Variants in DDI2 observed in about 807,000 individuals in gnomAD.
DDI2 encodes protein DDI1 homolog 2.
DDI2 carries 5 observed loss-of-function variants against 48.1 expected under a neutral mutation model. That is an observed-to-expected ratio of 0.10 (90% CI 0.05 to 0.22). The LOEUF (loss-of-function observed/expected upper bound fraction) is 0.22. Ranked by LOEUF, DDI2 falls within the 10% of genes least tolerant of loss-of-function variation. DDI2 has a pLI of 1.00. For synonymous variants in DDI2, 205 were observed against 183.6 expected (o/e 1.12, Z -0.94); for missense variants, 285 against 506.2 (o/e 0.56, Z 4.19).
chr1:15,645,698 G>A (rs917238130), intron 6 of DDI2, among the ~76,000 whole-genome samples: 3 of 151,944 alleles, frequency 2.0e-5, no homozygotes, highest in Admixed American at 6.6e-5. Context: ...GGGAGAATTC[G>A]TCTCTACAAA....
rs958484761 is a variant in DDI2, at chr1:15,662,061, T to G, written c.*2271T>G. 1 of 179,176 alleles carries G rather than the reference T, an allele frequency of 5.6e-6. No individual in the cohort carries two copies. Among genetic ancestry groups the G allele is most frequent in the African/African-American group, 2.4e-5 (1 of 42,136 alleles). The allele number at this position is 179,176 out of a possible 1,614,324, so 11.1% of individuals were successfully genotyped here. Reference sequence around the variant, plus strand: ...CTGTTTTAGAATGAGAGTAAATGCTTTGAAAAGCAGAAGCCATGAGAAATC... The same window carrying G: ...CTGTTTTAGAATGAGAGTAAATGCTGTGAAAAGCAGAAGCCATGAGAAATC... On this transcript the variant is annotated 3_prime_UTR_variant, in exon 10 of 10. Transcript: ENST00000480945.
rs1436281571 is a variant in DDI2 at position 15,665,732 on chromosome 1, T to A, written c.*5942T>A. ...ATCCCGCCACATATATAAATATATATATATATAGCAAACAGCCTTGCAAAT... is the reference window on the plus strand; with the variant it reads ...ATCCCGCCACATATATAAATATATAAATATATAGCAAACAGCCTTGCAAAT... On this transcript the variant is annotated 3_prime_UTR_variant, in exon 10 of 10. Transcript: ENST00000480945. The A allele has an allele frequency of 6.6e-6, 1 of 152,134 alleles. No individual in the cohort carries two copies. Among genetic ancestry groups the A allele is most frequent in the Non-Finnish European group, 1.5e-5 (1 of 68,024 alleles). 9.4% of individuals were successfully genotyped at this position (152,134 alleles called of 1,614,324 possible).
At chr1:15,650,305 A>G (rs920765699) in intron 7 of DDI2, among the ~76,000 whole-genome samples, 1 of 152,116 alleles carries the variant, frequency 6.6e-6, no homozygotes, top group Admixed American at 6.6e-5. Context: ...TTATCTTTCT[A>G]CTCTAAAGCA....
chr1:15,641,832 G>A (rs1640013490), intron 5 of DDI2, among the ~76,000 whole-genome samples: 1 of 151,804 alleles, frequency 6.6e-6, no homozygotes, highest in South Asian at 2.1e-4. Flanking sequence ...GCACTTGCAT[G>A]TAATCCCAGC....
At position 15,654,378 on chromosome 1, in the gene DDI2, C is replaced by T. The variant is rs1212192377; in HGVS notation, c.1184-2239C>T. 2.6e-5 allele frequency among the ~76,000 whole-genome samples: 4 copies of T among 152,014 alleles called. No homozygotes were observed. The East Asian group carries it at 7.7e-4, about 29-fold the overall frequency. On this transcript the variant is annotated intron_variant, in intron 8 of 9. Transcript: ENST00000480945. ...GTATAAAGTACAGTTTGAGTCAGGGCGTGGTGGCTTATGCCTGTGATCCCA... is the reference window on the plus strand; with the variant it reads ...GTATAAAGTACAGTTTGAGTCAGGGTGTGGTGGCTTATGCCTGTGATCCCA...
chr1:15,657,780 A>G (rs1640293043), intron 9 of DDI2, among the ~76,000 whole-genome samples: 1 of 152,230 alleles, frequency 6.6e-6, no homozygotes, highest in South Asian at 2.1e-4. Context: ...AATAAAACTA[A>G]TAACTGTTAG....
chr1:15,617,823 G>A lies in DDI2; in HGVS notation c.138+15G>A. 6.3e-7 allele frequency: 1 copy of A among 1,578,878 alleles called. No individual in the cohort carries two copies. The highest frequency in any genetic ancestry group is 8.6e-7 in the Non-Finnish European group (1 of 1,164,132). The stretch of plus-strand genomic sequence containing the variant: ...CCGAGAGCCAGGTACGCCGGGCAGC[G>A]AGCCGGGCCTGCCCCGGAGCTAAGC... On this transcript the variant is annotated intron_variant, in intron 1 of 9. Coordinates refer to ENST00000480945, the MANE Select transcript of DDI2 (RefSeq NM_032341.5).
chr1:15,652,729 A>G (rs1053130230), intron 8 of DDI2, among the ~76,000 whole-genome samples: 10 of 152,050 alleles, frequency 6.6e-5, no homozygotes, highest in African/African-American at 2.4e-4. Flanking sequence ...AGGCTGAGGC[A>G]GGAGAATGAC....
At position 15,626,694 on chromosome 1, in the gene DDI2, C is replaced by A; in HGVS notation, c.164C>A (p.Thr55Lys). The A allele has an allele frequency of 6.2e-7, 1 of 1,614,090 alleles. No homozygotes were observed. Reference sequence around the variant, plus strand: ...ATCGTCTATGCGGAAAGACCTCTCACAGACAACCACAGATCATTGGCTTCT... The same window carrying A: ...ATCGTCTATGCGGAAAGACCTCTCAAAGACAACCACAGATCATTGGCTTCT... ...SQIVYAERPL[T>K]DNHRSLASYG... Residue 55 changes from threonine (T) to lysine (K), a missense_variant, in exon 2 of 10, where the codon ACA becomes AAA. By Grantham distance (78) the Thr-to-Lys change is moderately conservative (BLOSUM62 -1). Around this residue, in one of 3 missense-constraint regions of DDI2, gnomAD observed 149 missense variants for 236.5 expected, o/e 0.63. Coordinates refer to ENST00000480945, the MANE Select transcript of DDI2 (RefSeq NM_032341.5).
chr1:15,618,331 C>T (rs1241109742), intron 1 of DDI2, among the ~76,000 whole-genome samples: 5 of 150,872 alleles, frequency 3.3e-5, no homozygotes, highest in African/African-American at 4.9e-5. Flanking sequence ...TTTGCACTTC[C>T]GGTGAAAGAA....
intron 1 of DDI2, among the ~76,000 whole-genome samples, chr1:15,623,820 G>A (rs949279934): frequency 6.6e-6 from 1 of 152,078 alleles, no homozygotes; most frequent in Admixed American, 6.6e-5. Flanking sequence ...CAGCACTTTA[G>A]GAGGCCAAGG....
rs115032064 is a variant in DDI2, at chr1:15,636,325, G to A, written c.633-1982G>A. On this transcript the variant is annotated intron_variant, in intron 4 of 9. Transcript: ENST00000480945. The stretch of plus-strand genomic sequence containing the variant: ...TTGTATTTTGTAGAGACGAGGTTTC[G>A]CCGTGTTGCCCAGTCGTGTCTTGAA... Among the ~76,000 whole-genome samples the A allele has an allele frequency of 8.8e-3, 1,336 of 152,074 alleles. 19 individuals are homozygous for A. Among genetic ancestry groups the A allele is most frequent in the African/African-American group, 0.029 (1,221 of 41,466 alleles).
chr1:15,638,619 C>CT (rs755713317), intron 5 of DDI2, among the ~76,000 whole-genome samples, 185 bp downstream of exon 5: 2 of 148,314 alleles, frequency 1.3e-5, no homozygotes, highest in Admixed American at 6.9e-5. Context: ...ACTGCAACCT[C>CT]TGTCTCCTCA....
At position 15,661,976 on chromosome 1, in the gene DDI2, G is replaced by T; in HGVS notation, c.*2186G>T. On this transcript the variant is annotated 3_prime_UTR_variant, in exon 10 of 10. Transcript: ENST00000480945. ...GTATTGGCAGTATGTGCATACAGAA[G>T]CTTTTTATTCTCATTAAGATGTATC... 2.6e-6 allele frequency: 1 copy of T among 379,566 alleles called. No homozygotes were observed. Among genetic ancestry groups the T allele is most frequent in the Non-Finnish European group, 4.6e-6 (1 of 216,506 alleles). The allele number at this position is 379,566 out of a possible 1,614,324, so 23.5% of individuals were successfully genotyped here.
chr1:15,629,606 A>AG (rs1459321099), intron 2 of DDI2, among the ~76,000 whole-genome samples: 1 of 152,102 alleles, frequency 6.6e-6, no homozygotes, highest in African/African-American at 2.4e-5. Flanking sequence ...CAAAAAAAAA[A>AG]AAAAAAAATT....
At chr1:15,650,719 C>G (rs1054937524) in intron 7 of DDI2, among the ~76,000 whole-genome samples, 3 of 151,986 alleles carry the variant, frequency 2.0e-5, no homozygotes, top group Non-Finnish European at 2.9e-5. Flanking sequence ...CAGAGCAAAA[C>G]CACATCTCAA....
At chr1:15,627,089 A>G (rs539666340) in intron 2 of DDI2, 93 of 335,788 alleles carry the variant, frequency 2.8e-4, no homozygotes, top group Non-Finnish European at 4.7e-4. Flanking sequence ...TTCTGTTATC[A>G]GTGATAATTA....
chr1:15,661,619 G>A lies in DDI2; in HGVS notation c.*1829G>A, dbSNP rs1640382325. Reference sequence around the variant, plus strand: ...GATATTGACCGCATTCTCCGTGCTGGCTTTACTTTGCAGGAAGCTCTTGGA... The same window carrying A: ...GATATTGACCGCATTCTCCGTGCTGACTTTACTTTGCAGGAAGCTCTTGGA... On this transcript the variant is annotated 3_prime_UTR_variant, in exon 10 of 10. Coordinates refer to ENST00000480945, the MANE Select transcript of DDI2 (RefSeq NM_032341.5). 1.2e-6 allele frequency: 2 copies of A among 1,614,040 alleles called. No individual in the cohort carries two copies. The highest frequency in any genetic ancestry group is 4.5e-5 in the East Asian group (2 of 44,886).
At position 15,649,829 on chromosome 1, in the gene DDI2, T is replaced by G. The variant is rs1335464569; in HGVS notation, c.993+6T>G. 6.2e-7 allele frequency: 1 copy of G among 1,603,202 alleles called. No homozygotes were observed. Among genetic ancestry groups the G allele is most frequent in the Non-Finnish European group, 8.5e-7 (1 of 1,176,898 alleles). On this transcript the variant is annotated splice_donor_region_variant and intron_variant, in intron 7 of 9. Transcript: ENST00000480945. Reference sequence around the variant, plus strand: ...ACATGCTTAAACGGCACCAGGTAATTAAGAGCTTCACTTATTTTTTTTGCA... The same window carrying G: ...ACATGCTTAAACGGCACCAGGTAATGAAGAGCTTCACTTATTTTTTTTGCA...
Sources: gnomAD v4.1 joint callset for allele counts (sites outside exome capture counted in the v4.1 genomes callset) on GRCh38, gnomAD v4.1.1 for gene constraint, gnomAD v4.1.1 regional missense constraint, MANE v1.5 for transcripts, NCBI Gene and HGNC (gene_info 2026-07-23, HGNC 2026-07-21) for gene names.